Variants in PDE4DIP observed in about 807,000 individuals in gnomAD.
PDE4DIP encodes myomegalin.
In PDE4DIP, 59 loss-of-function variants were observed where a neutral mutation model predicts 221.4. The ratio of observed to expected loss-of-function variants is 0.27; its 90% CI spans 0.22 to 0.33. The LOEUF (loss-of-function observed/expected upper bound fraction) is 0.33, where lower values mean the gene tolerates loss of function less well. PDE4DIP is among the 10% of genes least tolerant of loss of function. The probability of loss-of-function intolerance (pLI) is 1.00; values close to 1 mark genes in which losing one functional copy is unlikely to be tolerated. For synonymous variants in PDE4DIP, 404 were observed against 815.9 expected, an observed-to-expected ratio of 0.50 and a Z score of 8.60; for missense variants, 1,036 against 2,154.2, an observed-to-expected ratio of 0.48 and a Z score of 10.28.
At chr1:149,030,302 A>G in intron 43 of PDE4DIP, 24 bp downstream of exon 46, 1 of 1,546,984 alleles carries the variant, frequency 6.5e-7, no homozygotes, top group Non-Finnish European at 8.7e-7. Flanking sequence ...TGCACCAGTC[A>G]GAGGCACCAA....
intron 14 of PDE4DIP, among the ~76,000 whole-genome samples, chr1:148,970,057 T>A (rs1374992586): frequency 6.6e-6 from 1 of 151,954 alleles, no homozygotes; most frequent in Non-Finnish European, 1.5e-5. Flanking sequence ...TCCTCAAGGC[T>A]AAAAACTCTT....
At chr1:149,007,123 C>G (rs1455956154) in intron 27 of PDE4DIP, 78 bp from the exon 31 acceptor site, 3 of 659,536 alleles carry the variant, frequency 4.5e-6, no homozygotes, top group Non-Finnish European at 8.3e-6. Context: ...ATAGAAATCT[C>G]TACAGAAGCC....
chr1:149,010,174 G>T (rs1430625917), intron 30 of PDE4DIP, among the ~76,000 whole-genome samples: 2 of 152,152 alleles, frequency 1.3e-5, no homozygotes, highest in Non-Finnish European at 2.9e-5. Flanking sequence ...ATATTTGGGT[G>T]TCCACAGATG....
chr1:149,019,681 A>T (rs2072001898), intron 35 of PDE4DIP: 1 of 153,046 alleles, frequency 6.5e-6, no homozygotes, highest in African/African-American at 2.4e-5. Flanking sequence ...TCCCCAGAGG[A>T]CTTACTGAGC....
intron 1 of PDE4DIP, among the ~76,000 whole-genome samples, chr1:148,899,065 C>T (rs1176833615): frequency 8.6e-6 from 1 of 115,924 alleles, no homozygotes; most frequent in Non-Finnish European, 1.7e-5. Context: ...CTCCTTACCT[C>T]AGGTAATCCA....
intron 1 of PDE4DIP, among the ~76,000 whole-genome samples, chr1:148,918,760 C>G (rs1553460226): frequency 1.5e-5 from 2 of 135,754 alleles, no homozygotes; most frequent in South Asian, 2.6e-4. Flanking sequence ...CAAGGTAAAC[C>G]AGGCTGGGAA....
At chr1:148,982,414 A>G (rs1206431716) in intron 21 of PDE4DIP, 29 of 152,194 alleles carry the variant, frequency 1.9e-4, no homozygotes, top group African/African-American at 7.0e-4. Flanking sequence ...ATTTCTCCAT[A>G]TAACAGTAAT....
At chr1:148,922,770 G>T (rs1428164064) in intron 1 of PDE4DIP, among the ~76,000 whole-genome samples, 1 of 149,948 alleles carries the variant, frequency 6.7e-6, no homozygotes, top group Admixed American at 6.6e-5. Flanking sequence ...TGTATTTTTA[G>T]TAGAGACGGG....
chr1:148,881,686 G>T (rs12117345), intron 3 of PDE4DIP, among the ~76,000 whole-genome samples: 1 of 148,656 alleles, frequency 6.7e-6, no homozygotes, highest in Admixed American at 6.6e-5. Flanking sequence ...GGGGCCTGAG[G>T]TAGAAGAGGG....
At chr1:148,934,699 G>A (rs1188665244) in intron 4 of PDE4DIP, among the ~76,000 whole-genome samples, 1 of 152,024 alleles carries the variant, frequency 6.6e-6, no homozygotes, top group African/African-American at 2.4e-5. Flanking sequence ...TGCCTCCCAG[G>A]TTCAACCGAT....
intron 32 of PDE4DIP, among the ~76,000 whole-genome samples, chr1:149,015,328 A>T (rs1354489582): frequency 1.3e-5 from 2 of 151,738 alleles, no homozygotes; most frequent in African/African-American, 4.8e-5. Flanking sequence ...AGGGCTAAAA[A>T]CTGGCAAGTG....
In PDE4DIP at chr1:148,905,276, CG is replaced by C. The variant is rs587772002; in HGVS notation, c.141+15385del. Among the ~76,000 whole-genome samples, 6 of 119,118 alleles carry C rather than the reference CG, an allele frequency of 5.0e-5. No homozygotes were observed. In the South Asian group the frequency reaches 1.9e-3, roughly 38 times the overall value. The allele number at this position is 119,118 out of a possible 152,430, so 78.1% of individuals were successfully genotyped here. A position where few individuals can be genotyped will look rare whatever the true frequency, so the allele number is the denominator to read the frequency against. ...TCGGCTCACTACAAGCTCCGCCTCC[CG>C]GGTTCATGCCATTCTCCTGCCTCAG... On this transcript the variant is annotated intron_variant, in intron 1 of 43. Transcript: ENST00000369354.
At chr1:148,980,095 A>T (rs1468674155) in intron 20 of PDE4DIP, among the ~76,000 whole-genome samples, 1 of 152,260 alleles carries the variant, frequency 6.6e-6, no homozygotes, top group African/African-American at 2.4e-5. Flanking sequence ...GAGATTAAAT[A>T]AGAAGACAGC....
rs1271141380 is a variant in PDE4DIP, at chr1:148,824,208, A to T, written c.233+15471A>T. 2.8e-5 allele frequency among the ~76,000 whole-genome samples: 4 copies of T among 144,960 alleles called. No individual in the cohort carries two copies. The East Asian group carries it at 7.8e-4, about 28-fold the overall frequency. On this transcript the variant is annotated intron_variant, in intron 1 of 45. Coordinates refer to the PDE4DIP transcript ENST00000524974. ...TTCTCTCATGAGGTTGCAGTCAAGC[A>T]CTCAGCTGGGGCTGCTGTCATCTCA...
intron 9 of PDE4DIP, among the ~76,000 whole-genome samples, chr1:148,963,030 C>G (rs368549234): frequency 0.018 from 2,715 of 152,138 alleles, 76 homozygotes; most frequent in African/African-American, 0.059. Flanking sequence ...GTAGCTGGGA[C>G]TACAGGCGCC....
chr1:149,017,839 G>A (rs782349587), exon 34 of PDE4DIP: 9 of 1,613,522 alleles, frequency 5.6e-6, no homozygotes, highest in Non-Finnish European at 6.8e-6. Flanking sequence ...GCCTACGGGA[G>A]CAACTGGAAC....
At chr1:149,022,960 T>TA (rs1226177118) in intron 37 of PDE4DIP, among the ~76,000 whole-genome samples, 1 of 152,222 alleles carries the variant, frequency 6.6e-6, no homozygotes, top group Non-Finnish European at 1.5e-5. Context: ...AAACATCTCT[T>TA]AAAAAATAAG....
chr1:149,032,004 C>G (rs782729980), exon 44 of PDE4DIP: 6 of 1,610,296 alleles, frequency 3.7e-6, no homozygotes, highest in Admixed American at 3.3e-5. Context: ...TTCCAGGAAC[C>G]ATGCAAGAAG....
At chr1:148,956,013 C>T (rs868956559) in intron 5 of PDE4DIP, among the ~76,000 whole-genome samples, 4 of 152,102 alleles carry the variant, frequency 2.6e-5, no homozygotes, top group African/African-American at 4.8e-5. Flanking sequence ...GGCGGTGTAT[C>T]TATTGTTTAA....
Sources: allele counts gnomAD v4.1 joint callset (sites outside exome capture counted in the v4.1 genomes callset), GRCh38; gene constraint gnomAD v4.1.1; transcripts MANE v1.5; gene names NCBI Gene and HGNC (gene_info 2026-07-23, HGNC 2026-07-21).